PARD3: variants seen among roughly 807,000 people sequenced by gnomAD.
PARD3 encodes par-3 family cell polarity regulator.
PARD3 carries 75 observed loss-of-function variants against 155.4 expected under a neutral mutation model. The observed-to-expected ratio is 0.48, with a 90% CI of 0.40 to 0.58. The LOEUF (loss-of-function observed/expected upper bound fraction) is 0.58, where lower values mean the gene tolerates loss of function less well. Ranked by LOEUF, PARD3 falls within the 20% of genes least tolerant of loss-of-function variation. The probability of loss-of-function intolerance (pLI) is 0.00; values close to 1 mark genes in which losing one functional copy is unlikely to be tolerated. For missense variants in PARD3, 1,642 were observed against 1,721.7 expected (o/e 0.95, Z 0.82); for synonymous variants, 576 against 610.5 (o/e 0.94, Z 0.83).
At chr10:34,785,234 T>C (rs1166083498) in intron 1 of PARD3, among the ~76,000 whole-genome samples, 2 of 152,222 alleles carry the variant, frequency 1.3e-5, no homozygotes, top group African/African-American at 2.4e-5. Flanking sequence ...AAATGAGATA[T>C]AACTTTATCT....
intron 22 of PARD3, among the ~76,000 whole-genome samples, chr10:34,238,963 T>G (rs1054418962): frequency 2.0e-5 from 3 of 152,240 alleles, no homozygotes; most frequent in Non-Finnish European, 4.4e-5. Context: ...AAACTTTTTT[T>G]TCTTCCTCAT....
intron 19 of PARD3, among the ~76,000 whole-genome samples, chr10:34,327,853 T>TC (rs1209384762): frequency 6.6e-6 from 1 of 151,828 alleles, no homozygotes; most frequent in Non-Finnish European, 1.5e-5. Flanking sequence ...AGAACCCACT[T>TC]CCCCTGAGGC....
At chr10:34,411,608 T>C (rs956041101) in intron 5 of PARD3, among the ~76,000 whole-genome samples, 2 of 152,054 alleles carry the variant, frequency 1.3e-5, no homozygotes, top group Non-Finnish European at 2.9e-5. Flanking sequence ...CCTTACACCA[T>C]TGGTTCTCCT....
At chr10:34,187,937 A>T (rs1055242000) in intron 22 of PARD3, among the ~76,000 whole-genome samples, 3 of 152,214 alleles carry the variant, frequency 2.0e-5, no homozygotes, top group Non-Finnish European at 4.4e-5. Context: ...CTAGGATGGG[A>T]CAACTAGCTG....
In PARD3 at chr10:34,111,553, C is replaced by T; in HGVS notation, c.3678G>A (p.Arg1226=). ...RQYSSLPRQS[R]KNASSVSQDS... Reference sequence around the variant, plus strand: ...CCTGGGAGACCGAGCTGGCATTTTTCCTGCTTTGCCTAGAAAGCAAAACCC... The same window carrying T: ...CCTGGGAGACCGAGCTGGCATTTTTTCTGCTTTGCCTAGAAAGCAAAACCC... The change falls in exon 25 of 25, where the codon AGG becomes AGA. Residue 1226 remains arginine (R), a synonymous_variant. Coordinates refer to ENST00000374788, the MANE Select transcript of PARD3 (RefSeq NM_001184785.2). The T allele has an allele frequency of 6.3e-7, 1 of 1,593,476 alleles. No individual in the cohort carries two copies. The highest frequency in any genetic ancestry group is 8.6e-7 in the Non-Finnish European group (1 of 1,166,646).
At chr10:34,383,072 A>G in intron 8 of PARD3, 150 bp from the exon 9 acceptor site, 1 of 739,808 alleles carries the variant, frequency 1.4e-6, no homozygotes, top group South Asian at 1.8e-5. Context: ...TTATCAATCA[A>G]GTTTGCAGCT....
rs181694081 is a variant in PARD3, at chr10:34,463,405, G to C, written c.582+6680C>G. 5.8e-3 allele frequency among the ~76,000 whole-genome samples: 874 copies of C among 151,468 alleles called. 5 individuals are homozygous for C. The highest frequency in any genetic ancestry group is 9.1e-3 in the Non-Finnish European group (615 of 67,766). ...AAGGGGAAAAGGAAGGGAAGGAAAA[G>C]AAACAAAGGGGTTTTGAAAGGAATG... On this transcript the variant is annotated intron_variant, in intron 4 of 24. Transcript: ENST00000374788.
chr10:34,698,189 G>T (rs1206432147), intron 1 of PARD3, among the ~76,000 whole-genome samples: 2 of 152,014 alleles, frequency 1.3e-5, no homozygotes, highest in Non-Finnish European at 2.9e-5. Context: ...CATTCTTTAA[G>T]CCTCCTAATC....
intron 3 of PARD3, among the ~76,000 whole-genome samples, chr10:34,485,012 C>G (rs748804134): frequency 3.3e-5 from 5 of 152,232 alleles, no homozygotes; most frequent in East Asian, 1.9e-4. Flanking sequence ...GAGGCCAGGC[C>G]CTTAAAAGTA....
intron 21 of PARD3, among the ~76,000 whole-genome samples, chr10:34,271,646 T>C (rs999047869): frequency 6.6e-6 from 1 of 152,210 alleles, no homozygotes; most frequent in African/African-American, 2.4e-5. Flanking sequence ...TAAGGATGTG[T>C]GCTCCTACCA....
chr10:34,673,360 AT>A (rs2093642510), intron 2 of PARD3, among the ~76,000 whole-genome samples: 2 of 152,168 alleles, frequency 1.3e-5, no homozygotes, highest in Non-Finnish European at 2.9e-5. Flanking sequence ...TGATATGCAC[AT>A]TTTTACCTAG....
chr10:34,219,963 C>T (rs890224687), intron 22 of PARD3, among the ~76,000 whole-genome samples: 2 of 152,242 alleles, frequency 1.3e-5, no homozygotes, highest in African/African-American at 4.8e-5. Context: ...TTTTGTTTTA[C>T]GAACGCATCA....
intron 22 of PARD3, among the ~76,000 whole-genome samples, chr10:34,248,379 G>A (rs940969107): frequency 2.0e-5 from 3 of 152,192 alleles, no homozygotes; most frequent in Admixed American, 6.5e-5. Flanking sequence ...CCAAAAGACT[G>A]GAAGAACATT....
Position 34,145,221 on chromosome 10 carries a change from A to ATTTTTT in PARD3, c.3420-13644_3420-13639dup, listed in dbSNP as rs57442429. Reference sequence around the variant, plus strand: ...TATATATATATATATATATATATATATTTTTTTTTTTTTTTTTTTTACAGG... The same window carrying ATTTTTT: ...TATATATATATATATATATATATATATTTTTTTTTTTTTTTTTTTTTTTTTTACAGG... On this transcript the variant is annotated intron_variant, in intron 22 of 24. Coordinates refer to ENST00000374788, the MANE Select transcript of PARD3 (RefSeq NM_001184785.2). Among the ~76,000 whole-genome samples the ATTTTTT allele has an allele frequency of 8.0e-3, 273 of 33,970 alleles. 13 individuals carry two copies. Among genetic ancestry groups the ATTTTTT allele is most frequent in the Non-Finnish European group, 0.012 (231 of 19,928 alleles). The allele number at this position is 33,970 out of a possible 152,430, so 22.3% of individuals were successfully genotyped here.
rs530859526 is a variant in PARD3, at chr10:34,175,638, G to A, written c.3420-44055C>T. ...TGGGATATTTTATTTAGACATTCAAGTATCAGACAATTTATAATAAATGAA... is the reference window on the plus strand; with the variant it reads ...TGGGATATTTTATTTAGACATTCAAATATCAGACAATTTATAATAAATGAA... On this transcript the variant is annotated intron_variant, in intron 22 of 24. Transcript: ENST00000374788. 2.6e-5 allele frequency among the ~76,000 whole-genome samples: 4 copies of A among 152,218 alleles called. No individual in the cohort carries two copies. In the South Asian group the frequency reaches 8.3e-4, roughly 32 times the overall value.
chr10:34,641,389 T>G (rs958231193), intron 2 of PARD3, among the ~76,000 whole-genome samples: 7 of 152,184 alleles, frequency 4.6e-5, no homozygotes, highest in Non-Finnish European at 4.4e-5. Flanking sequence ...CTATCTTTGC[T>G]TCTTCAGCAG....
At chr10:34,252,559 A>G (rs990423766) in intron 22 of PARD3, among the ~76,000 whole-genome samples, 1 of 152,118 alleles carries the variant, frequency 6.6e-6, no homozygotes, top group Non-Finnish European at 1.5e-5. Context: ...AGTGATCTGA[A>G]AGGGAAATGG....
intron 20 of PARD3, among the ~76,000 whole-genome samples, chr10:34,314,800 G>C (rs1443936038): frequency 1.3e-5 from 2 of 152,142 alleles, no homozygotes; most frequent in African/African-American, 4.8e-5. Flanking sequence ...AAAATAATTA[G>C]GAAGTGATGC....
intron 22 of PARD3, among the ~76,000 whole-genome samples, chr10:34,238,559 G>T (rs1044338486): frequency 6.6e-6 from 1 of 151,920 alleles, no homozygotes; most frequent in African/African-American, 2.4e-5. Context: ...GCCAACAATC[G>T]GTTTTGACTA....
Sources: gnomAD v4.1 joint callset for allele counts (sites outside exome capture counted in the v4.1 genomes callset) on GRCh38, gnomAD v4.1.1 for gene constraint, MANE v1.5 for transcripts, NCBI Gene and HGNC (gene_info 2026-07-23, HGNC 2026-07-21) for gene names.